TMEM132E: variants seen among roughly 807,000 people sequenced by gnomAD.
TMEM132E encodes the protein transmembrane protein 132E.
Under a neutral mutation model 78.5 loss-of-function variants are expected in TMEM132E, and 49 were observed. That is an observed-to-expected ratio of 0.62 (90% CI 0.50 to 0.79). TMEM132E has a LOEUF of 0.79. TMEM132E is among the 30% of genes least tolerant of loss of function. TMEM132E has a pLI of 0.00. For missense variants in TMEM132E, 1,403 were observed against 1,470.9 expected (o/e 0.95, Z 0.75); for synonymous variants, 715 against 670.6 (o/e 1.07, Z -1.02).
Position 34,635,035 on chromosome 17 carries a change from T to G in TMEM132E, c.1925T>G (p.Met642Arg), listed in dbSNP as rs1437538552. 6.2e-7 allele frequency: 1 copy of G among 1,614,058 alleles called. No homozygotes were observed. The highest frequency in any genetic ancestry group is 8.5e-7 in the Non-Finnish European group (1 of 1,180,006). Residue 642 changes from methionine to arginine, a missense_variant, in exon 7 of 9, where the codon ATG (methionine) becomes AGG (arginine). Coordinates refer to ENST00000631683, the MANE Select transcript of TMEM132E (RefSeq NM_001304438.2). Reference sequence around the variant, plus strand: ...GTGGGCGATCCCCGAGTGGCACACATGGTGGACAGCAGCACGCTGGCAGGA... The same window carrying G: ...GTGGGCGATCCCCGAGTGGCACACAGGGTGGACAGCAGCACGCTGGCAGGA... ...MRVGDPRVAH[M>R]VDSSTLAGLE... is the part of the protein sequence containing the mutation.
In TMEM132E at chr17:34,581,056, C is replaced by T. The variant is rs763476051; in HGVS notation, c.-21C>T. On this transcript the variant is annotated 5_prime_UTR_variant, in exon 1 of 9. Coordinates refer to ENST00000631683, the MANE Select transcript of TMEM132E (RefSeq NM_001304438.2). ...TCGTCGACTGTTGCTCTCTCGGACC[C>T]CTCCCGCCCCCGCCTCGGCCATGGC... 13 of 1,538,258 alleles carry T rather than the reference C, an allele frequency of 8.5e-6. No individual in the cohort carries two copies. Among genetic ancestry groups the T allele is most frequent in the African/African-American group, 1.4e-5 (1 of 70,958 alleles).
At chr17:34,613,360 G>C (rs1201047507) in intron 1 of TMEM132E, among the ~76,000 whole-genome samples, 2 of 151,662 alleles carry the variant, frequency 1.3e-5, no homozygotes, top group East Asian at 3.9e-4. Context: ...GTAACTCTGA[G>C]AGCAGCCCCC....
chr17:34,619,879 C>T (rs1486086317), intron 1 of TMEM132E, among the ~76,000 whole-genome samples: 4 of 152,248 alleles, frequency 2.6e-5, no homozygotes, highest in African/African-American at 9.6e-5. Flanking sequence ...GATGCATGTG[C>T]ATGTGCACAC....
intron 1 of TMEM132E, among the ~76,000 whole-genome samples, chr17:34,602,293 G>A (rs893285703): frequency 6.6e-6 from 1 of 152,256 alleles, no homozygotes; most frequent in Non-Finnish European, 1.5e-5. Context: ...CAGCCCGCAA[G>A]AGATTGAGGC....
At position 34,637,899 on chromosome 17, in the gene TMEM132E, C is replaced by T. The variant is rs757266238; in HGVS notation, c.2892C>T (p.Phe964=). The T allele has an allele frequency of 1.1e-5, 18 of 1,606,338 alleles. No individual in the cohort carries two copies. Among genetic ancestry groups the T allele is most frequent in the Non-Finnish European group, 1.5e-5 (18 of 1,178,908 alleles). Residue 964 remains phenylalanine (F), a synonymous_variant, in exon 9 of 9, where the codon TTC becomes TTT. Coordinates refer to ENST00000631683, the MANE Select transcript of TMEM132E (RefSeq NM_001304438.2). ...AGNPLETVPA[F]CHGDHHSSGS... is the part of the protein sequence containing the mutation. ...ACCCGCTGGAAACCGTGCCCGCCTT[C>T]TGCCACGGCGACCACCACAGCAGCG...
At chr17:34,614,150 G>C (rs1906701732) in intron 1 of TMEM132E, among the ~76,000 whole-genome samples, 1 of 152,144 alleles carries the variant, frequency 6.6e-6, no homozygotes, top group South Asian at 2.1e-4. Context: ...GCCTGGATTG[G>C]GCACCAGGCA....
chr17:34,628,075 C>T (rs909465404), intron 2 of TMEM132E, among the ~76,000 whole-genome samples: 4 of 152,160 alleles, frequency 2.6e-5, no homozygotes, highest in African/African-American at 9.7e-5. Context: ...TGGCAAAAAA[C>T]AATTGGAGGC....
chr17:34,627,122 GT>G, intron 2 of TMEM132E, 65 bp downstream of exon 2: 2 of 1,489,454 alleles, frequency 1.3e-6, no homozygotes, highest in Non-Finnish European at 1.9e-6. Flanking sequence ...CTGACTCCTT[GT>G]GGGTGGGTTG....
chr17:34,630,076 C>T lies in TMEM132E; in HGVS notation c.1407C>T (p.Ala469=). The change falls in exon 5 of 9, where the codon GCC becomes GCT. Residue 469 remains alanine (A), a synonymous_variant. Transcript: ENST00000631683. ...TGGCCATCCCTGTCAAGGTCATTGC[C>T]ATCGAGGTGAATGGCCTCGTCCTGG... ...RTVAIPVKVI[A]IEVNGLVLDI... is the part of the protein sequence containing the mutation. 1 of 1,613,638 alleles carries T rather than the reference C, an allele frequency of 6.2e-7. No homozygotes were observed. The highest frequency in any genetic ancestry group is 2.2e-5 in the East Asian group (1 of 44,890).
rs1434741448 is a variant in TMEM132E, at chr17:34,627,010, C to T, written c.951C>T (p.Pro317=). 5 of 1,613,810 alleles carry T rather than the reference C, an allele frequency of 3.1e-6. No homozygotes were observed. Among genetic ancestry groups the T allele is most frequent in the Non-Finnish European group, 4.2e-6 (5 of 1,180,004 alleles). Residue 317 remains proline (P), a synonymous_variant, in exon 2 of 9, where the codon CCC becomes CCT. Coordinates refer to ENST00000631683, the MANE Select transcript of TMEM132E (RefSeq NM_001304438.2). ...EVLSILLYLA[P]NSSSPSSPSV... is the part of the protein sequence containing the mutation. ...TCAGCATCCTCCTCTATCTGGCCCC[C>T]AACTCCTCCTCGCCCTCCAGCCCCA... is the stretch of plus-strand genomic sequence containing the variant.
chr17:34,601,218 G>T (rs1221607241), intron 1 of TMEM132E, among the ~76,000 whole-genome samples: 1 of 152,214 alleles, frequency 6.6e-6, no homozygotes, highest in Non-Finnish European at 1.5e-5. Context: ...AGCAGAGCGG[G>T]TCCAGAGGCC....
At chr17:34,595,367 G>T (rs1597677591) in intron 1 of TMEM132E, among the ~76,000 whole-genome samples, 1 of 152,158 alleles carries the variant, frequency 6.6e-6, no homozygotes, top group African/African-American at 2.4e-5. Flanking sequence ...ACCAGCATGT[G>T]CCTGGATGCT....
intron 1 of TMEM132E, among the ~76,000 whole-genome samples, chr17:34,623,977 C>T (rs1036496604): frequency 5.3e-5 from 8 of 152,178 alleles, no homozygotes; most frequent in East Asian, 1.9e-4. Context: ...CATTTCTTGC[C>T]GGTGATTTCC....
In TMEM132E at chr17:34,630,005, C is replaced by T. The variant is rs1388728993; in HGVS notation, c.1339-3C>T. ...TAGAGCCCCCCCCTTCTCCTCCCTG[C>T]AGGACACAGAGATCATCAACACGGC... is the stretch of plus-strand genomic sequence containing the variant. On this transcript the variant is annotated splice_region_variant and splice_polypyrimidine_tract_variant and intron_variant, in intron 4 of 8. Transcript: ENST00000631683. The T allele has an allele frequency of 2.5e-6, 4 of 1,601,964 alleles. No individual in the cohort carries two copies. The highest frequency in any genetic ancestry group is 3.4e-6 in the Non-Finnish European group (4 of 1,170,444).
intron 1 of TMEM132E, among the ~76,000 whole-genome samples, chr17:34,621,645 T>C (rs1906961773): frequency 6.6e-6 from 1 of 152,026 alleles, no homozygotes; most frequent in Non-Finnish European, 1.5e-5. Context: ...GAAGACCAAG[T>C]CAGAGCCCAG....
intron 1 of TMEM132E, chr17:34,614,935 A>T (rs888334543): frequency 2.6e-5 from 4 of 152,276 alleles, no homozygotes; most frequent in African/African-American, 7.2e-5. Flanking sequence ...AGGGGAAGGG[A>T]GGGACCATGG....
chr17:34,588,289 A>G (rs1374953314), intron 1 of TMEM132E, among the ~76,000 whole-genome samples: 1 of 152,002 alleles, frequency 6.6e-6, no homozygotes, highest in East Asian at 1.9e-4. Flanking sequence ...ACCCACTGCA[A>G]CTCATTGCAG....
intron 7 of TMEM132E, chr17:34,635,681 G>T: frequency 3.8e-6 from 1 of 259,864 alleles, no homozygotes; most frequent in East Asian, 6.9e-5. Context: ...CTAAGTTGTC[G>T]CCACTCCCTT....
chr17:34,629,870 C>T, intron 4 of TMEM132E, 138 bp from the exon 5 acceptor site: 1 of 1,013,402 alleles, frequency 9.9e-7, no homozygotes. Context: ...TATCCCTGCA[C>T]ACGGGTGCAA....
Sources: allele counts gnomAD v4.1 joint callset (sites outside exome capture counted in the v4.1 genomes callset), GRCh38; gene constraint gnomAD v4.1.1; transcripts MANE v1.5; gene names NCBI Gene and HGNC (gene_info 2026-07-23, HGNC 2026-07-21).